Variants in DNAI3 observed in about 807,000 individuals in gnomAD.
DNAI3 encodes the protein dynein axonemal intermediate chain 3.
A neutral mutation model predicts 115.5 loss-of-function variants in DNAI3; 83 were observed. That is an observed-to-expected ratio of 0.72 (90% CI 0.60 to 0.86). DNAI3 has a LOEUF of 0.86. DNAI3 is among the 40% of genes least tolerant of loss of function. The probability of loss-of-function intolerance (pLI) is 0.00; values close to 1 mark genes in which losing one functional copy is unlikely to be tolerated. For synonymous variants in DNAI3, 320 were observed against 347.0 expected, an observed-to-expected ratio of 0.92 and a Z score of 0.86; for missense variants, 1,004 against 1,075.8, an observed-to-expected ratio of 0.93 and a Z score of 0.93.
In DNAI3 at chr1:85,068,726, T is replaced by C. The variant is rs575063619; in HGVS notation, c.-14-3202T>C. ...TATATAGCTGTTTCCAATTATATCA[T>C]TCCCAGCCACTACCTCCCGTACCTG... On this transcript the variant is annotated intron_variant, in intron 1 of 22. Coordinates refer to ENST00000294664, the MANE Select transcript of DNAI3 (RefSeq NM_145172.5). Among the ~76,000 whole-genome samples, 8 of 152,300 alleles carry C rather than the reference T, an allele frequency of 5.3e-5. No individual in the cohort carries two copies. In the South Asian group the frequency reaches 1.7e-3, roughly 32 times the overall value.
At chr1:85,101,889 A>G (rs768984350) in intron 13 of DNAI3, among the ~76,000 whole-genome samples, 3 of 152,040 alleles carry the variant, frequency 2.0e-5, no homozygotes, top group Non-Finnish European at 4.4e-5. Context: ...ATATACACAT[A>G]TAAATTTCTA....
intron 8 of DNAI3, among the ~76,000 whole-genome samples, chr1:85,092,557 T>C (rs976637877): frequency 8.5e-5 from 13 of 152,092 alleles, no homozygotes; most frequent in Non-Finnish European, 1.9e-4. Context: ...CTTTCAGATC[T>C]AAGCATAAAA....
chr1:85,121,452 C>T (rs901667191), intron 17 of DNAI3, among the ~76,000 whole-genome samples: 3 of 152,160 alleles, frequency 2.0e-5, no homozygotes, highest in Non-Finnish European at 4.4e-5. Context: ...GGATCAACAA[C>T]AAAAACTTTG....
intron 10 of DNAI3, among the ~76,000 whole-genome samples, chr1:85,095,536 C>A (rs569941929): frequency 1.3e-5 from 2 of 152,060 alleles, no homozygotes; most frequent in African/African-American, 4.8e-5. Flanking sequence ...GAGTGCCTGG[C>A]TCAGTATTCA....
chr1:85,082,410 C>A lies in DNAI3; in HGVS notation c.390+6C>A, dbSNP rs77263744. 60 of 1,598,620 alleles carry A rather than the reference C, an allele frequency of 3.8e-5. No individual in the cohort carries two copies. The African/African-American group carries it at 7.6e-4, about 20-fold the overall frequency. Reference sequence around the variant, plus strand: ...GCAAAGAAAACTATTTAAATGTGAGCAAACCCCAAGCCCTTGTAATTTGTT... The same window carrying A: ...GCAAAGAAAACTATTTAAATGTGAGAAAACCCCAAGCCCTTGTAATTTGTT... On this transcript the variant is annotated splice_donor_region_variant and intron_variant, in intron 5 of 22. Coordinates refer to ENST00000294664, the MANE Select transcript of DNAI3 (RefSeq NM_145172.5).
rs777076714 is a variant in DNAI3, at chr1:85,104,554, C to G, written c.1510C>G (p.Arg504Gly). ...CAGAATGGGCTCCGTCTTTGAGAAT[C>G]GAAGTGGAATATGCTGTCAACTTGT... ...INRMGSVFEN[R>G]SGICCQLVTC... Residue 504 changes from arginine to glycine, a missense_variant, in exon 14 of 23, where the codon CGA (arginine) becomes GGA (glycine). Arg to Gly is a moderately radical substitution (Grantham distance 125). This residue lies in a region of DNAI3 where 25 missense variants were observed against 53.4 expected (regional missense o/e 0.47). Coordinates refer to ENST00000294664, the MANE Select transcript of DNAI3 (RefSeq NM_145172.5). The G allele has an allele frequency of 1.2e-6, 2 of 1,613,650 alleles. No individual in the cohort carries two copies. The highest frequency in any genetic ancestry group is 2.7e-5 in the African/African-American group (2 of 74,912).
intron 6 of DNAI3, among the ~76,000 whole-genome samples, chr1:85,085,304 T>C (rs1312639945): frequency 2.6e-5 from 4 of 152,188 alleles, no homozygotes; most frequent in Non-Finnish European, 5.9e-5. Context: ...TTATGGCAGC[T>C]GTAGGAAGCT....
intron 21 of DNAI3, among the ~76,000 whole-genome samples, chr1:85,129,077 C>T (rs1385459394): frequency 1.3e-5 from 2 of 152,060 alleles, no homozygotes; most frequent in African/African-American, 2.4e-5. Flanking sequence ...TCATTTTTCC[C>T]ATTGTAACCG....
At chr1:85,100,296 T>C (rs1420692794) in intron 13 of DNAI3, among the ~76,000 whole-genome samples, 3 of 151,842 alleles carry the variant, frequency 2.0e-5, no homozygotes, top group Non-Finnish European at 4.4e-5. Context: ...AACAACCCCA[T>C]CAAAAAGTGG....
intron 16 of DNAI3, among the ~76,000 whole-genome samples, chr1:85,114,283 G>A (rs1655749503): frequency 6.6e-6 from 1 of 152,050 alleles, no homozygotes; most frequent in Non-Finnish European, 1.5e-5. Context: ...AAAGTGCTGG[G>A]ATTACAGGTA....
intron 7 of DNAI3, among the ~76,000 whole-genome samples, chr1:85,088,596 A>G (rs1224427597): frequency 1.3e-5 from 2 of 152,202 alleles, no homozygotes; most frequent in African/African-American, 4.8e-5. Flanking sequence ...AGTGCTTTAC[A>G]CACATCAATT....
At chr1:85,065,972 A>T (rs1042225543) in intron 1 of DNAI3, among the ~76,000 whole-genome samples, 1 of 152,242 alleles carries the variant, frequency 6.6e-6, no homozygotes, top group Admixed American at 6.5e-5. Flanking sequence ...GTGGTGCACC[A>T]TCACAGGTTT....
chr1:85,087,375 G>A (rs938728816), intron 7 of DNAI3, among the ~76,000 whole-genome samples: 1 of 135,550 alleles, frequency 7.4e-6, no homozygotes, highest in African/African-American at 2.8e-5. Context: ...GGTAGAGGTT[G>A]CAGTGAGCCA....
chr1:85,113,021 G>A (rs930904278), intron 16 of DNAI3, among the ~76,000 whole-genome samples: 3 of 152,126 alleles, frequency 2.0e-5, no homozygotes, highest in Non-Finnish European at 4.4e-5. Context: ...TGCCCAAATC[G>A]GCCTCCCAAA....
rs557837073 is a variant in DNAI3, at chr1:85,118,449, G to A, written c.1917+590G>A. ...ATTGCCATTTTATAAATGAAGAAATGAGGCTCAGAACTTTATCTACAGTCA... is the reference window on the plus strand; with the variant it reads ...ATTGCCATTTTATAAATGAAGAAATAAGGCTCAGAACTTTATCTACAGTCA... On this transcript the variant is annotated intron_variant, in intron 17 of 22. Coordinates refer to ENST00000294664, the MANE Select transcript of DNAI3 (RefSeq NM_145172.5). Among the ~76,000 whole-genome samples, 77 of 152,178 alleles carry A rather than the reference G, an allele frequency of 5.1e-4. 1 individual carries two copies. Among genetic ancestry groups the A allele is most frequent in the Non-Finnish European group, 9.1e-4 (62 of 68,028 alleles).
chr1:85,069,566 G>A (rs886899951), intron 1 of DNAI3, among the ~76,000 whole-genome samples: 7 of 151,938 alleles, frequency 4.6e-5, no homozygotes, highest in Non-Finnish European at 1.0e-4. Flanking sequence ...GTGAGGCTAA[G>A]TGGTGTGAAG....
chr1:85,067,012 T>C (rs1166542862), intron 1 of DNAI3, among the ~76,000 whole-genome samples: 2 of 152,220 alleles, frequency 1.3e-5, no homozygotes, highest in South Asian at 2.1e-4. Context: ...ATAATGTTGG[T>C]AGGATTTTCA....
At chr1:85,077,268 G>A (rs1199540764) in intron 3 of DNAI3, among the ~76,000 whole-genome samples, 1 of 152,080 alleles carries the variant, frequency 6.6e-6, no homozygotes, top group East Asian at 1.9e-4. Context: ...GTAAGAAAGT[G>A]AACTCAATCC....
intron 22 of DNAI3, among the ~76,000 whole-genome samples, chr1:85,132,550 A>T (rs763513764): frequency 6.6e-6 from 1 of 152,178 alleles, no homozygotes; most frequent in African/African-American, 2.4e-5. Context: ...GAATTCTGCA[A>T]CCTCTAGGCT....
Sources: gnomAD v4.1 joint callset for allele counts (sites outside exome capture counted in the v4.1 genomes callset) on GRCh38, gnomAD v4.1.1 for gene constraint, gnomAD v4.1.1 regional missense constraint, MANE v1.5 for transcripts, NCBI Gene and HGNC (gene_info 2026-07-23, HGNC 2026-07-21) for gene names.